The following RALGDS variants were observed in gnomAD, a reference collection of about 807,000 sequenced individuals.
The protein encoded by RALGDS is ral guanine nucleotide dissociation stimulator, also known as ral guanine nucleotide exchange factor.
Under a neutral mutation model 99.8 loss-of-function variants are expected in RALGDS, and 44 were observed. That is an observed-to-expected ratio of 0.44 (90% CI 0.35 to 0.57). The LOEUF is 0.57. Among genes scored for constraint, RALGDS ranks in the 20% least tolerant of loss-of-function variants. The pLI is 0.01. For synonymous variants in RALGDS, 529 were observed against 505.0 expected (o/e 1.05, Z -0.64); for missense variants, 1,022 against 1,203.1 (o/e 0.85, Z 2.23).
At chr9:133,101,806 G>C in intron 15 of RALGDS, 44 bp from the exon 16 acceptor site, 1 of 1,565,180 alleles carries the variant, frequency 6.4e-7, no homozygotes, top group Non-Finnish European at 8.7e-7. Flanking sequence ...GCCCTGTGGG[G>C]GCACCCCAGG....
rs73660444 is a variant in RALGDS, at chr9:133,114,504, A to G, written c.184-2352T>C. Reference sequence around the variant, plus strand: ...CCAACAGCCCTGGCAGCTGCCCCAGAACCCTCTGCAGCAAGAAAGGCAGGG... The same window carrying G: ...CCAACAGCCCTGGCAGCTGCCCCAGGACCCTCTGCAGCAAGAAAGGCAGGG... On this transcript the variant is annotated intron_variant, in intron 1 of 17. Transcript: ENST00000372050. Among the ~76,000 whole-genome samples the G allele has an allele frequency of 6.6e-3, 1,001 of 152,240 alleles. 5 individuals are homozygous for G. The highest frequency in any genetic ancestry group is 0.021 in the African/African-American group (864 of 41,536).
rs1041514906 is a variant in RALGDS, at chr9:133,113,073, G to A, written c.184-921C>T. Among the ~76,000 whole-genome samples, 4 of 152,292 alleles carry A rather than the reference G, an allele frequency of 2.6e-5. No homozygotes were observed. The South Asian group carries it at 6.2e-4, about 24-fold the overall frequency. On this transcript the variant is annotated intron_variant, in intron 1 of 17. Transcript: ENST00000372050. ...AGGTCACTTAGCCACAATTACCCCC[G>A]GCCTCACAGCCCCCTATGCCACCTG...
Position 133,102,016 on chromosome 9 carries a change from C to A in RALGDS, c.2133G>T (p.Ser711=). Residue 711 remains serine, a synonymous_variant, in exon 15 of 18, where the codon TCG becomes TCT. Transcript: ENST00000372050. ...CCACGTCGGAGCTAGAGGAGCCGGCCGAGTGCACGCTGAGCGCGTCAGCGA... is the reference window on the plus strand; with the variant it reads ...CCACGTCGGAGCTAGAGGAGCCGGCAGAGTGCACGCTGAGCGCGTCAGCGA... The part of the protein sequence containing the change: ...GDIADALSVH[S]AGSSSSDVEE... 1 of 1,553,310 alleles carries A rather than the reference C, an allele frequency of 6.4e-7. No homozygotes were observed. The highest frequency in any genetic ancestry group is 1.2e-5 in the South Asian group (1 of 84,218).
chr9:133,140,785 G>A (rs1832506986), intron 1 of RALGDS, among the ~76,000 whole-genome samples: 1 of 152,164 alleles, frequency 6.6e-6, no homozygotes, highest in Admixed American at 6.5e-5. Context: ...CTTGGTGCTG[G>A]GCTGGGGGCT....
rs80025306 is a variant in RALGDS at position 133,099,315 on chromosome 9, C to T, written c.2570-553G>A. Reference sequence around the variant, plus strand: ...TTGTGCTCCTGCCGACATCGTGTGGCTTTTCGTCATCTTTAACCTCTCTAG... The same window carrying T: ...TTGTGCTCCTGCCGACATCGTGTGGTTTTTCGTCATCTTTAACCTCTCTAG... On this transcript the variant is annotated intron_variant, in intron 17 of 17. Transcript: ENST00000372050. 3.5e-3 allele frequency: 553 copies of T among 157,870 alleles called. 8 individuals carry two copies. Among genetic ancestry groups the T allele is most frequent in the African/African-American group, 0.013 (531 of 41,630 alleles). 9.8% of individuals were successfully genotyped at this position (157,870 alleles called of 1,614,324 possible).
chr9:133,113,481 G>A (rs529306615), intron 1 of RALGDS, among the ~76,000 whole-genome samples: 12 of 152,282 alleles, frequency 7.9e-5, no homozygotes, highest in Admixed American at 5.2e-4. Context: ...GCTCCTGACC[G>A]CCACCGCCTC....
intron 1 of RALGDS, among the ~76,000 whole-genome samples, chr9:133,120,426 C>T (rs1831861292): frequency 8.4e-6 from 1 of 119,574 alleles, no homozygotes. Context: ...CCCCATCCCC[C>T]GACCCCCCCC....
In RALGDS at chr9:133,145,122, T is replaced by G. The variant is rs148993430; in HGVS notation, c.18+3841A>C. Among the ~76,000 whole-genome samples the G allele has an allele frequency of 2.3e-4, 35 of 152,348 alleles. No homozygotes were observed. The East Asian group carries it at 6.8e-3, about 29-fold the overall frequency. ...GCATGGCCTTGCTGACCCCTGGATT[T>G]TGGACTTCTGGCCTTTAGAACTGTG... On this transcript the variant is annotated intron_variant, in intron 1 of 17. Transcript: ENST00000393160.
chr9:133,103,427 G>C (rs1014982876), intron 11 of RALGDS, among the ~76,000 whole-genome samples, 165 bp from the exon 12 acceptor site: 1 of 152,174 alleles, frequency 6.6e-6, no homozygotes, highest in African/African-American at 2.4e-5. Context: ...GCGGGCAGAG[G>C]CTTGGGGACT....
chr9:133,099,102 A>C, intron 17 of RALGDS: 1 of 335,244 alleles, frequency 3.0e-6, no homozygotes. Context: ...ACCTCCCAGA[A>C]TCCTGCCCTA....
At chr9:133,123,950 GCACA>G (rs376850668), upstream of RALGDS, among the ~76,000 whole-genome samples, 1,447 of 47,028 alleles carry the variant, frequency 0.031, 15 homozygotes, top group Middle Eastern at 0.071. Flanking sequence ...ACACAGAGAT[GCACA>G]CACAGAGACA....
upstream of RALGDS, among the ~76,000 whole-genome samples, chr9:133,125,857 C>T (rs1056934561): frequency 6.6e-6 from 1 of 152,140 alleles, no homozygotes; most frequent in African/African-American, 2.4e-5. Context: ...CCAGGCTCAC[C>T]GTTTCCTGTA....
intron 1 of RALGDS, among the ~76,000 whole-genome samples, chr9:133,138,047 C>T (rs528844304): frequency 4.6e-5 from 7 of 152,276 alleles, no homozygotes; most frequent in Admixed American, 3.3e-4. Flanking sequence ...TGCCCGGTGC[C>T]GCCACCAGCC....
upstream of RALGDS, among the ~76,000 whole-genome samples, chr9:133,125,607 G>A (rs570203417): frequency 4.6e-4 from 70 of 152,070 alleles, no homozygotes; most frequent in Middle Eastern, 3.4e-3. Context: ...ATGGTGACGC[G>A]TGCCTGTAAT....
intron 10 of RALGDS, 133 bp downstream of exon 10, chr9:133,104,130 G>C: frequency 1.0e-6 from 1 of 956,404 alleles, no homozygotes. Flanking sequence ...AGCTGATCCA[G>C]GTGTGGCTCT....
At chr9:133,130,756 G>A (rs189090920) in intron 1 of RALGDS, among the ~76,000 whole-genome samples, 1 of 152,306 alleles carries the variant, frequency 6.6e-6, no homozygotes, top group Admixed American at 6.5e-5. Context: ...CGTCTGACAA[G>A]TGGAAAGACT....
At chr9:133,134,100 G>A (rs933104277), upstream of RALGDS, among the ~76,000 whole-genome samples, 3 of 152,206 alleles carry the variant, frequency 2.0e-5, no homozygotes, top group African/African-American at 7.2e-5. Context: ...CCTGGCTTCT[G>A]GGAACCTGAG....
chr9:133,107,492 CA>C (rs1831128886), intron 6 of RALGDS, among the ~76,000 whole-genome samples, 192 bp from the exon 7 acceptor site: 1 of 152,252 alleles, frequency 6.6e-6, no homozygotes, highest in Non-Finnish European at 1.5e-5. Context: ...CGCGCAGCCT[CA>C]CCAAGCCCCA....
At chr9:133,141,097 A>T (rs1832513467) in intron 1 of RALGDS, among the ~76,000 whole-genome samples, 1 of 151,178 alleles carries the variant, frequency 6.6e-6, no homozygotes, top group Non-Finnish European at 1.5e-5. Context: ...ATCATGACCC[A>T]GGGTCACACA....
Sources: allele counts gnomAD v4.1 joint callset (sites outside exome capture counted in the v4.1 genomes callset), GRCh38; gene constraint gnomAD v4.1.1; transcripts MANE v1.5; gene names NCBI Gene and HGNC (gene_info 2026-07-23, HGNC 2026-07-21).